KCNT2: variants seen among roughly 807,000 people sequenced by gnomAD.
KCNT2 encodes the protein potassium channel subfamily T member 2.
A neutral mutation model predicts 153.8 loss-of-function variants in KCNT2; 67 were observed. That is an observed-to-expected ratio of 0.44 (90% CI 0.36 to 0.53). The LOEUF (loss-of-function observed/expected upper bound fraction) is 0.53, where lower values mean the gene tolerates loss of function less well. Ranked by LOEUF, KCNT2 falls within the 20% of genes least tolerant of loss-of-function variation. The probability of loss-of-function intolerance (pLI) is 0.00; values close to 1 mark genes in which losing one functional copy is unlikely to be tolerated. For synonymous variants in KCNT2, 500 were observed against 458.8 expected, an observed-to-expected ratio of 1.09 and a Z score of -1.15; for missense variants, 975 against 1,354.8, an observed-to-expected ratio of 0.72 and a Z score of 4.40.
At chr1:196,249,756 C>T (rs1032453723) in intron 26 of KCNT2, among the ~76,000 whole-genome samples, 1 of 149,646 alleles carries the variant, frequency 6.7e-6, no homozygotes, top group Non-Finnish European at 1.5e-5. Flanking sequence ...GCCTGGATGA[C>T]AAGAGTGAGA....
intron 19 of KCNT2, among the ~76,000 whole-genome samples, chr1:196,323,313 C>G (rs568429195): frequency 6.6e-6 from 1 of 152,034 alleles, no homozygotes; most frequent in Admixed American, 6.6e-5. Flanking sequence ...GAGCAAAAGC[C>G]TGGATCTTTC....
chr1:196,405,616 T>G (rs1301152192), intron 12 of KCNT2, among the ~76,000 whole-genome samples: 1 of 151,468 alleles, frequency 6.6e-6, no homozygotes, highest in Non-Finnish European at 1.5e-5. Flanking sequence ...TTTATAATTT[T>G]TATTAGACTC....
chr1:196,571,164 T>C (rs1366093189), intron 1 of KCNT2, among the ~76,000 whole-genome samples: 4 of 152,112 alleles, frequency 2.6e-5, no homozygotes, highest in Admixed American at 6.6e-5. Flanking sequence ...ATAATAGATG[T>C]TTTAAGAATA....
chr1:196,306,280 C>T (rs1661628718), intron 21 of KCNT2, among the ~76,000 whole-genome samples: 2 of 152,092 alleles, frequency 1.3e-5, no homozygotes, highest in Admixed American at 6.6e-5. Context: ...AACTCAGGGA[C>T]TAAAACTGAC....
chr1:196,248,789 GTCTT>G (rs962301426), intron 26 of KCNT2, among the ~76,000 whole-genome samples: 4 of 152,096 alleles, frequency 2.6e-5, no homozygotes, highest in Non-Finnish European at 4.4e-5. Context: ...TACTTCCAAA[GTCTT>G]TCTAAGAGGC....
intron 1 of KCNT2, among the ~76,000 whole-genome samples, chr1:196,530,496 T>C (rs938121488): frequency 2.9e-4 from 44 of 151,962 alleles, no homozygotes; most frequent in African/African-American, 4.8e-4. Flanking sequence ...AAAACCGATA[T>C]ATAAACAAAC....
At chr1:196,459,936 C>A (rs921932706) in intron 8 of KCNT2, among the ~76,000 whole-genome samples, 2 of 151,740 alleles carry the variant, frequency 1.3e-5, no homozygotes, top group African/African-American at 4.8e-5. Context: ...TCTTTGATGG[C>A]CAATTTTTCA....
intron 18 of KCNT2, 21 bp from the exon 19 acceptor site, chr1:196,326,910 A>T: frequency 1.4e-6 from 2 of 1,423,030 alleles, no homozygotes; most frequent in Non-Finnish European, 1.9e-6. Flanking sequence ...GAAAGTATAC[A>T]TTGAAATGCC....
Position 196,467,780 on chromosome 1 carries a change from A to G in KCNT2, c.466T>C (p.Trp156Arg). 1 of 1,598,114 alleles carries G rather than the reference A, an allele frequency of 6.3e-7. No homozygotes were observed. Among genetic ancestry groups the G allele is most frequent in the Non-Finnish European group, 8.6e-7 (1 of 1,168,822 alleles). The change falls in exon 7 of 28, where the codon TGG (tryptophan) becomes CGG (arginine). Residue 156 changes from tryptophan to arginine, a missense_variant. Trp to Arg is a moderately radical substitution (Grantham distance 101). Transcript: ENST00000294725. ...ACAAATAGATTCCTTAAGGAAGGCC[A>G]GAATATCTGGAAAACAAAACAAAAC... The part of the protein sequence containing the change: ...NAVPFIISIF[W>R]PSLRNLFVPV...
chr1:196,333,754 G>T, intron 17 of KCNT2, 93 bp downstream of exon 17: 1 of 729,436 alleles, frequency 1.4e-6, no homozygotes, highest in Non-Finnish European at 2.4e-6. Context: ...AAGATCATTA[G>T]CTCCTTACCT....
At chr1:196,272,468 G>T (rs962545111) in intron 25 of KCNT2, among the ~76,000 whole-genome samples, 3 of 151,768 alleles carry the variant, frequency 2.0e-5, no homozygotes, top group Non-Finnish European at 4.4e-5. Flanking sequence ...TACTTACCTG[G>T]ATGCATTTGG....
intron 3 of KCNT2, among the ~76,000 whole-genome samples, chr1:196,488,278 G>T (rs573599334): frequency 6.6e-6 from 1 of 152,040 alleles, no homozygotes; most frequent in African/African-American, 2.4e-5. Context: ...AATAGAGCCT[G>T]CACCCATAAA....
intron 8 of KCNT2, among the ~76,000 whole-genome samples, chr1:196,444,724 C>T (rs1373049563): frequency 2.6e-5 from 4 of 151,138 alleles, no homozygotes; most frequent in African/African-American, 9.7e-5. Flanking sequence ...ATTTGCATTA[C>T]CCTGAAGACT....
At chr1:196,565,276 C>G (rs34538561) in intron 1 of KCNT2, among the ~76,000 whole-genome samples, 11,429 of 151,422 alleles carry the variant, frequency 0.075, 614 homozygotes, top group Middle Eastern at 0.12. Context: ...TGGTTATTAG[C>G]AAAAAGACAA....
intron 8 of KCNT2, among the ~76,000 whole-genome samples, chr1:196,436,476 T>C (rs1674665171): frequency 6.6e-6 from 1 of 151,500 alleles, no homozygotes; most frequent in African/African-American, 2.4e-5. Context: ...GGATTTGCCT[T>C]ATGCACAAAC....
intron 22 of KCNT2, among the ~76,000 whole-genome samples, chr1:196,288,354 T>C (rs1659872611): frequency 6.6e-6 from 1 of 151,996 alleles, no homozygotes; most frequent in African/African-American, 2.4e-5. Context: ...TGAGATTGTC[T>C]AAGAAATAAC....
intron 22 of KCNT2, among the ~76,000 whole-genome samples, chr1:196,296,263 T>C (rs1660666366): frequency 1.3e-5 from 2 of 151,658 alleles, no homozygotes; most frequent in South Asian, 4.1e-4. Flanking sequence ...AATAAGAAAA[T>C]ATGATAGTTA....
At chr1:196,354,616 A>G (rs1386606376) in intron 14 of KCNT2, among the ~76,000 whole-genome samples, 1 of 151,758 alleles carries the variant, frequency 6.6e-6, no homozygotes, top group Non-Finnish European at 1.5e-5. Flanking sequence ...GTACTTAAAT[A>G]AGATTAATGA....
At chr1:196,534,102 G>GA (rs1001480208) in intron 1 of KCNT2, among the ~76,000 whole-genome samples, 14 of 145,572 alleles carry the variant, frequency 9.6e-5, no homozygotes, top group South Asian at 2.2e-4. Context: ...GATTGGTGGG[G>GA]AAAAAAAAAA....
Sources: allele counts gnomAD v4.1 joint callset (sites outside exome capture counted in the v4.1 genomes callset), GRCh38; gene constraint gnomAD v4.1.1; transcripts MANE v1.5; gene names NCBI Gene and HGNC (gene_info 2026-07-23, HGNC 2026-07-21).